Variants in SLC7A5 observed in about 807,000 individuals in gnomAD.
The protein encoded by SLC7A5 is solute carrier family 7 member 5, also known as large neutral amino acids transporter small subunit 1.
Under a neutral mutation model 50.2 loss-of-function variants are expected in SLC7A5, and 23 were observed. The observed-to-expected ratio is 0.46, with a 90% CI of 0.33 to 0.65. SLC7A5 has a LOEUF of 0.65. Among genes scored for constraint, SLC7A5 ranks in the 30% least tolerant of loss-of-function variants. The probability of loss-of-function intolerance (pLI) is 0.02; values close to 1 mark genes in which losing one functional copy is unlikely to be tolerated. For missense variants in SLC7A5, 578 were observed against 684.4 expected (o/e 0.84, Z 1.73); for synonymous variants, 393 against 330.6 (o/e 1.19, Z -2.05).
chr16:87,836,672 A>G (rs767408432), intron 7 of SLC7A5, 25 bp from the exon 8 acceptor site: 1 of 1,609,196 alleles, frequency 6.2e-7, no homozygotes, highest in Non-Finnish European at 8.5e-7. Flanking sequence ...CGGCTGGCTG[A>G]GCCCTGGGGC....
At position 87,832,876 on chromosome 16, in the gene SLC7A5, C is replaced by G; in HGVS notation, c.*94G>C. 1.0e-6 allele frequency: 1 copy of G among 1,003,102 alleles called. No individual in the cohort carries two copies. The highest frequency in any genetic ancestry group is 1.6e-6 in the Non-Finnish European group (1 of 627,264). The allele number at this position is 1,003,102 out of a possible 1,614,324, so 62.1% of individuals were successfully genotyped here. A position where few individuals can be genotyped will look rare whatever the true frequency, so the allele number is the denominator to read the frequency against. ...CGAGGGACTGGGATGGGCAGCTGAG[C>G]TGTGGGTTGCGGGGAACCGGAGTGG... On this transcript the variant is annotated 3_prime_UTR_variant, in exon 10 of 10. Transcript: ENST00000261622. This position sits in a 1 kb window ranked among gnomAD's most constrained non-coding sequence, Gnocchi z 4.6.
In SLC7A5 at chr16:87,838,783, C is replaced by A; in HGVS notation, c.974G>T (p.Trp325Leu). ...CAGGCCCACGAAGACGGGGATGATC[C>A]AGGACATGACGCCCAGGTGATAGTT... is the stretch of plus-strand genomic sequence containing the variant. ...FGNYHLGVMS[W>L]IIPVFVGLSC... The change falls in exon 6 of 10, where the codon TGG becomes TTG. Residue 325 changes from tryptophan (W) to leucine (L), a missense_variant. By Grantham distance (61) the Trp-to-Leu change is moderately conservative. Transcript: ENST00000261622. The A allele has an allele frequency of 6.2e-7, 1 of 1,614,058 alleles. No individual in the cohort carries two copies. Among genetic ancestry groups the A allele is most frequent in the Non-Finnish European group, 8.5e-7 (1 of 1,180,026 alleles).
At chr16:87,848,321 T>C (rs755975315) in intron 2 of SLC7A5, among the ~76,000 whole-genome samples, 1 of 152,210 alleles carries the variant, frequency 6.6e-6, no homozygotes, top group Non-Finnish European at 1.5e-5. Flanking sequence ...CCCCATTGTG[T>C]CCTCCAGGAG....
At chr16:87,838,038 G>T in intron 6 of SLC7A5, 97 bp from the exon 7 acceptor site, 1 of 944,368 alleles carries the variant, frequency 1.1e-6, no homozygotes, top group Non-Finnish European at 1.7e-6. Flanking sequence ...GCCTGTGCCT[G>T]GCTTGTCTGG....
intron 2 of SLC7A5, among the ~76,000 whole-genome samples, chr16:87,845,060 G>A (rs1292259319): frequency 6.6e-6 from 1 of 152,160 alleles, no homozygotes; most frequent in South Asian, 2.1e-4. Context: ...AGCTGGAAGG[G>A]GAAGGTGGCA....
Position 87,836,551 on chromosome 16 carries a change from T to C in SLC7A5, c.1237A>G (p.Ile413Val). 6.2e-7 allele frequency: 1 copy of C among 1,613,618 alleles called. No homozygotes were observed. Among genetic ancestry groups the C allele is most frequent in the South Asian group, 1.1e-5 (1 of 91,092 alleles). The change falls in exon 8 of 10, where the codon ATC (isoleucine) becomes GTC (valine). Residue 413 changes from isoleucine (I) to valine (V), a missense_variant. Ile to Val is a conservative substitution (Grantham distance 29). Coordinates refer to ENST00000261622, the MANE Select transcript of SLC7A5 (RefSeq NM_003486.7). ...CTGTGGCGCAGCCAGATCATGCCGA[T>C]GATGGCCAGGGCCACGCAGAGCCAG... Reference protein sequence around the residue: ...FNWLCVALAIIGMIWLRHRKP... With the variant: ...FNWLCVALAIVGMIWLRHRKP...
chr16:87,857,347 C>T (rs1240093564), intron 1 of SLC7A5, among the ~76,000 whole-genome samples: 6 of 152,284 alleles, frequency 3.9e-5, no homozygotes, highest in East Asian at 1.9e-4. Flanking sequence ...ATCTACCTCC[C>T]GAGTAGCTGC....
Position 87,838,728 on chromosome 16 carries a change from C to G in SLC7A5, c.1029G>C (p.Leu343=), listed in dbSNP as rs1407575172. The change falls in exon 6 of 10, where the codon CTG becomes CTC. Residue 343 remains leucine, a synonymous_variant. Transcript: ENST00000261622. ...LSCFGSVNGS[L]FTSSRLFFVG... The stretch of plus-strand genomic sequence containing the variant: ...GCTGTGCTCACCTGGAGGATGTGAA[C>G]AGGGACCCATTGACGGAGCCGAAGC... 5 of 1,613,796 alleles carry G rather than the reference C, an allele frequency of 3.1e-6. No homozygotes were observed. The highest frequency in any genetic ancestry group is 4.2e-6 in the Non-Finnish European group (5 of 1,179,826).
chr16:87,840,338 G>T, intron 4 of SLC7A5, 91 bp downstream of exon 4: 1 of 1,200,298 alleles, frequency 8.3e-7, no homozygotes, highest in Non-Finnish European at 1.2e-6. Flanking sequence ...ACTGGCCTGA[G>T]CCGACCAACA....
intron 2 of SLC7A5, among the ~76,000 whole-genome samples, chr16:87,847,266 A>G (rs1440276683): frequency 6.6e-6 from 1 of 152,192 alleles, no homozygotes; most frequent in African/African-American, 2.4e-5. Flanking sequence ...TTCTCACCAG[A>G]ACAGCCCAGC....
rs1445010733 is a variant in SLC7A5, at chr16:87,862,116, G to C, written c.538+6769C>G. 1.3e-5 allele frequency among the ~76,000 whole-genome samples: 2 copies of C among 152,296 alleles called. No homozygotes were observed. The highest frequency in any genetic ancestry group is 2.1e-4 in the South Asian group (1 of 4,824). ...GTTTTACACAGGCCTGGACTGAGAAGTGGGGCTACAGGCTACAGGTGCTTG... is the reference window on the plus strand; with the variant it reads ...GTTTTACACAGGCCTGGACTGAGAACTGGGGCTACAGGCTACAGGTGCTTG... On this transcript the variant is annotated intron_variant, in intron 1 of 9. Transcript: ENST00000261622. The surrounding 1 kb of genome is among the most constrained non-coding windows in gnomAD (Gnocchi z 5.3).
chr16:87,837,691 C>T lies in SLC7A5; in HGVS notation c.1140+154G>A. 5 of 626,988 alleles carry T rather than the reference C, an allele frequency of 8.0e-6. 1 individual carries two copies. In the South Asian group the frequency reaches 9.5e-5, roughly 12 times the overall value. 38.8% of individuals were successfully genotyped at this position (626,988 alleles called of 1,614,324 possible). ...AATAAAATCTAAAGCCCCTCCAGCG[C>T]TCTCTGGCATTCAGCGGAGCTCGGC... On this transcript the variant is annotated intron_variant, in intron 7 of 9. Transcript: ENST00000261622.
intron 2 of SLC7A5, among the ~76,000 whole-genome samples, chr16:87,845,845 A>G (rs1327201711): frequency 6.6e-6 from 1 of 152,142 alleles, no homozygotes; most frequent in Non-Finnish European, 1.5e-5. Flanking sequence ...GCCTCTGTCC[A>G]TGCGTCTGAC....
In SLC7A5 at chr16:87,835,591, C is replaced by A. The variant is rs570210913; in HGVS notation, c.1290+907G>T. 3.3e-5 allele frequency among the ~76,000 whole-genome samples: 5 copies of A among 152,288 alleles called. No individual in the cohort carries two copies. The East Asian group carries it at 9.7e-4, about 29-fold the overall frequency. ...CAGGTTCATGCCATTCTCCTGCCTC[C>A]ACCTCCCGAGTAGCTGCAACTATAG... On this transcript the variant is annotated intron_variant, in intron 8 of 9. Coordinates refer to ENST00000261622, the MANE Select transcript of SLC7A5 (RefSeq NM_003486.7).
chr16:87,842,039 C>A (rs1203651125), intron 2 of SLC7A5, among the ~76,000 whole-genome samples: 2 of 152,142 alleles, frequency 1.3e-5, no homozygotes, highest in African/African-American at 4.8e-5. Flanking sequence ...TGTGTTCGAG[C>A]CCGGAATATA....
Position 87,860,341 on chromosome 16 carries a change from T to TAC in SLC7A5, c.539-8494_539-8493dup, listed in dbSNP as rs370835904. Among the ~76,000 whole-genome samples the TAC allele has an allele frequency of 0.014, 1,179 of 86,066 alleles. 32 individuals carry two copies. The highest frequency in any genetic ancestry group is 0.016 in the Middle Eastern group (2 of 124). The allele number at this position is 86,066 out of a possible 152,430, so 56.5% of individuals were successfully genotyped here. On this transcript the variant is annotated intron_variant, in intron 1 of 9. Coordinates refer to ENST00000261622, the MANE Select transcript of SLC7A5 (RefSeq NM_003486.7). The surrounding 1 kb of genome is among the most constrained non-coding windows in gnomAD (Gnocchi z 4.8). ...AAAGCATCTCAAAAAAAAAAAAAAA[T>TAC]ACACACACACACACACACACACACA...
Position 87,861,487 on chromosome 16 carries a change from T to C in SLC7A5, c.538+7398A>G, listed in dbSNP as rs2055397469. On this transcript the variant is annotated intron_variant, in intron 1 of 9. Coordinates refer to ENST00000261622, the MANE Select transcript of SLC7A5 (RefSeq NM_003486.7). The surrounding 1 kb of genome is among the most constrained non-coding windows in gnomAD (Gnocchi z 4.2). The stretch of plus-strand genomic sequence containing the variant: ...GGTGGGCACTGTGGCCCCTGGCTCC[T>C]GGCTCGCTCCTGCCTCAGTTTCCCC... Among the ~76,000 whole-genome samples, 1 of 152,140 alleles carries C rather than the reference T, an allele frequency of 6.6e-6. No homozygotes were observed. The highest frequency in any genetic ancestry group is 1.5e-5 in the Non-Finnish European group (1 of 68,008).
Position 87,869,382 on chromosome 16 carries a change from G to A in SLC7A5, c.41C>T (p.Pro14Leu), listed in dbSNP as rs746814767. The change falls in exon 1 of 10, where the codon CCG becomes CTG. Residue 14 changes from proline to leucine, a missense_variant. By Grantham distance (98) the Pro-to-Leu change is moderately conservative. Transcript: ENST00000261622. ...AGPKRRALAA[P>L]AAEEKEEARE... ...CGCCTCTTCCTTCTCCTCGGCCGCC[G>A]GCGCCGCTAGCGCGCGCCGCTTCGG... 3.8e-6 allele frequency: 6 copies of A among 1,590,890 alleles called. No individual in the cohort carries two copies. In the South Asian group the frequency reaches 4.5e-5, roughly 12 times the overall value.
At chr16:87,855,430 C>T (rs905885183) in intron 1 of SLC7A5, among the ~76,000 whole-genome samples, 1 of 152,094 alleles carries the variant, frequency 6.6e-6, no homozygotes, top group African/African-American at 2.4e-5. Flanking sequence ...GCTGGCTGAC[C>T]CCCCAACTCT....
Sources: allele counts gnomAD v4.1 joint callset (sites outside exome capture counted in the v4.1 genomes callset), GRCh38; gene constraint gnomAD v4.1.1; non-coding constraint Gnocchi (gnomAD v3.1); transcripts MANE v1.5; gene names NCBI Gene and HGNC (gene_info 2026-07-23, HGNC 2026-07-21).